LRRC1: variants seen among roughly 807,000 people sequenced by gnomAD.
LRRC1 encodes leucine rich repeat containing 1.
In LRRC1, 28 loss-of-function variants were observed where a neutral mutation model predicts 69.9. That is an observed-to-expected ratio of 0.40 (90% confidence interval 0.30 to 0.55). LRRC1 has a LOEUF of 0.55. LRRC1 is among the 20% of genes least tolerant of loss of function. The pLI is 0.47. For missense variants in LRRC1, 498 were observed against 609.0 expected, an observed-to-expected ratio of 0.82 and a Z score of 1.92; for synonymous variants, 236 against 240.2, an observed-to-expected ratio of 0.98 and a Z score of 0.16.
At chr6:53,862,758 C>T (rs1366412710) in intron 2 of LRRC1, among the ~76,000 whole-genome samples, 1 of 152,150 alleles carries the variant, frequency 6.6e-6, no homozygotes, top group East Asian at 1.9e-4. Flanking sequence ...TGGCTGCCTC[C>T]TCAGTGAGTC....
rs540027313 is a variant in LRRC1, at chr6:53,871,487, A to G, written c.278-7506A>G. Among the ~76,000 whole-genome samples the G allele has an allele frequency of 2.4e-4, 37 of 152,116 alleles. No individual in the cohort carries two copies. The South Asian group carries it at 7.5e-3, about 31-fold the overall frequency. On this transcript the variant is annotated intron_variant, in intron 2 of 13. Coordinates refer to ENST00000370888, the MANE Select transcript of LRRC1 (RefSeq NM_018214.5). ...ATCTTATGTTCATTTTTAAAAATCAAATTTTTCTTTTTTGCTGTTGAGTTT... is the reference window on the plus strand; with the variant it reads ...ATCTTATGTTCATTTTTAAAAATCAGATTTTTCTTTTTTGCTGTTGAGTTT...
chr6:53,848,594 C>T (rs932534252), intron 2 of LRRC1, among the ~76,000 whole-genome samples: 2 of 152,162 alleles, frequency 1.3e-5, no homozygotes, highest in African/African-American at 2.4e-5. Flanking sequence ...TCTTTTCGGT[C>T]TGCTTTCAGA....
chr6:53,843,711 T>G (rs950200883), intron 2 of LRRC1, among the ~76,000 whole-genome samples: 8 of 152,130 alleles, frequency 5.3e-5, no homozygotes, highest in African/African-American at 1.9e-4. Context: ...GCACCAAGCT[T>G]GCATTTGACA....
At position 53,896,497 on chromosome 6, in the gene LRRC1, G is replaced by A; in HGVS notation, c.447-1G>A. 1 of 1,612,330 alleles carries A rather than the reference G, an allele frequency of 6.2e-7. No homozygotes were observed. The highest frequency in any genetic ancestry group is 8.5e-7 in the Non-Finnish European group (1 of 1,178,716). The stretch of plus-strand genomic sequence containing the variant: ...TTTTTTTTCCTTCTGTTCATTTCTA[G>A]TCTTTATAACCTGGCTTCACTGGAA... On this transcript the variant is annotated splice_acceptor_variant, in intron 4 of 13. Coordinates refer to ENST00000370888, the MANE Select transcript of LRRC1 (RefSeq NM_018214.5). LOFTEE classifies it high-confidence loss of function.
chr6:53,916,861 G>A (rs570120577), intron 11 of LRRC1, among the ~76,000 whole-genome samples: 1 of 152,282 alleles, frequency 6.6e-6, no homozygotes, highest in Admixed American at 6.5e-5. Flanking sequence ...GGTCACTTGG[G>A]GCTGGGTTGG....
In LRRC1 at chr6:53,897,370, A is replaced by G. The variant is rs553318526; in HGVS notation, c.642+11A>G. On this transcript the variant is annotated intron_variant, in intron 7 of 13. Transcript: ENST00000370888. ...TCAGAATTACCTCAGGTAAGTGGTA[A>G]TTTCACAGTGTCTCCCCAAAACATA... 2.8e-5 allele frequency: 44 copies of G among 1,580,886 alleles called. No homozygotes were observed. The South Asian group carries it at 4.2e-4, about 15-fold the overall frequency.
intron 3 of LRRC1, among the ~76,000 whole-genome samples, chr6:53,879,366 A>G (rs1378529686): frequency 6.6e-6 from 1 of 152,072 alleles, no homozygotes; most frequent in Non-Finnish European, 1.5e-5. Context: ...TTGTAGTGCA[A>G]CCTCCGCCTT....
intron 1 of LRRC1, among the ~76,000 whole-genome samples, chr6:53,818,704 C>G (rs554380522): frequency 8.5e-5 from 13 of 152,110 alleles, no homozygotes; most frequent in Non-Finnish European, 1.2e-4. Flanking sequence ...AAAATGCTTT[C>G]TAAATTAAAA....
At chr6:53,858,695 CT>C (rs1766399185) in intron 2 of LRRC1, among the ~76,000 whole-genome samples, 1 of 152,130 alleles carries the variant, frequency 6.6e-6, no homozygotes. Context: ...ATTTTTGTCA[CT>C]TTTTGATTTG....
At chr6:53,825,334 G>T (rs1305923357) in intron 1 of LRRC1, among the ~76,000 whole-genome samples, 2 of 152,164 alleles carry the variant, frequency 1.3e-5, no homozygotes, top group Non-Finnish European at 2.9e-5. Context: ...TATAAAATTT[G>T]CCTGCCTTAC....
At chr6:53,816,938 T>G (rs972186238) in intron 1 of LRRC1, among the ~76,000 whole-genome samples, 1 of 152,242 alleles carries the variant, frequency 6.6e-6, no homozygotes, top group African/African-American at 2.4e-5. Flanking sequence ...AGTGGCTCAA[T>G]TTATGAGCTA....
chr6:53,887,182 C>A (rs1381131223), intron 4 of LRRC1, among the ~76,000 whole-genome samples: 1 of 151,608 alleles, frequency 6.6e-6, no homozygotes, highest in Non-Finnish European at 1.5e-5. Flanking sequence ...TTACAAGAAG[C>A]AACTATTAAA....
At chr6:53,848,924 A>G (rs1259470949) in intron 2 of LRRC1, among the ~76,000 whole-genome samples, 2 of 152,044 alleles carry the variant, frequency 1.3e-5, no homozygotes, top group Non-Finnish European at 2.9e-5. Context: ...AGCCCGGCTA[A>G]TTTTGTGTTT....
chr6:53,814,691 C>T (rs143725330), intron 1 of LRRC1, among the ~76,000 whole-genome samples: 12 of 152,142 alleles, frequency 7.9e-5, no homozygotes, highest in Non-Finnish European at 1.0e-4. Flanking sequence ...ATTAAGCTAA[C>T]GTTAAATTTT....
intron 11 of LRRC1, 163 bp from the exon 12 acceptor site, chr6:53,919,335 C>G (rs982118948): frequency 4.9e-6 from 2 of 411,738 alleles, no homozygotes; most frequent in Non-Finnish European, 8.1e-6. Context: ...AATCCACTTG[C>G]AAAGAGTATG....
chr6:53,910,816 T>G (rs1266265672), intron 10 of LRRC1, among the ~76,000 whole-genome samples: 2 of 152,246 alleles, frequency 1.3e-5, no homozygotes, highest in Admixed American at 1.3e-4. Context: ...GCTCCCTCCA[T>G]CATACCGCAT....
At chr6:53,825,753 G>C (rs1765237195) in intron 1 of LRRC1, among the ~76,000 whole-genome samples, 1 of 152,112 alleles carries the variant, frequency 6.6e-6, no homozygotes, top group Non-Finnish European at 1.5e-5. Flanking sequence ...GTTAAGTGGG[G>C]AACAGGTGAT....
chr6:53,795,586 A>G (rs1160361419), intron 1 of LRRC1, among the ~76,000 whole-genome samples, 171 bp downstream of exon 1: 2 of 152,096 alleles, frequency 1.3e-5, no homozygotes, highest in Non-Finnish European at 2.9e-5. Context: ...ATCCTTTCCC[A>G]GTAAAAGTTC....
At chr6:53,821,669 C>T (rs1241709186) in intron 1 of LRRC1, among the ~76,000 whole-genome samples, 1 of 152,166 alleles carries the variant, frequency 6.6e-6, no homozygotes, top group East Asian at 1.9e-4. Context: ...TTGAGTTTCT[C>T]CTCTTAATAC....
Sources: gnomAD v4.1 joint callset for allele counts (sites outside exome capture counted in the v4.1 genomes callset) on GRCh38, gnomAD v4.1.1 for gene constraint, MANE v1.5 for transcripts, NCBI Gene and HGNC (gene_info 2026-07-23, HGNC 2026-07-21) for gene names.